The following XKR4 variants were observed in gnomAD, a reference collection of about 807,000 sequenced individuals.
XKR4 encodes the protein XK-related protein 4.
A neutral mutation model predicts 53.9 loss-of-function variants in XKR4; 12 were observed. That is an observed-to-expected ratio of 0.22 (90% CI 0.14 to 0.36). The LOEUF is 0.36. XKR4 is among the 10% of genes least tolerant of loss of function. XKR4 has a pLI of 1.00. For synonymous variants in XKR4, 354 were observed against 362.4 expected (o/e 0.98, Z 0.26); for missense variants, 799 against 859.5 (o/e 0.93, Z 0.88).
chr8:55,513,297 C>T (rs1300248904), intron 2 of XKR4, among the ~76,000 whole-genome samples: 2 of 152,162 alleles, frequency 1.3e-5, no homozygotes, highest in Non-Finnish European at 2.9e-5. Flanking sequence ...GTGATGCTTG[C>T]GGATGTTTTG....
chr8:55,482,629 A>G (rs1012632480), intron 2 of XKR4, among the ~76,000 whole-genome samples: 3 of 152,174 alleles, frequency 2.0e-5, no homozygotes, highest in East Asian at 3.9e-4. Context: ...TTCATTTACT[A>G]CCCAGTAGAC....
intron 2 of XKR4, among the ~76,000 whole-genome samples, chr8:55,401,122 C>T (rs1030430517): frequency 1.3e-5 from 2 of 152,186 alleles, no homozygotes; most frequent in African/African-American, 2.4e-5. Flanking sequence ...GACACGCAGG[C>T]GCCAGCATTT....
At chr8:55,521,988 G>A (rs1046664862) in intron 2 of XKR4, among the ~76,000 whole-genome samples, 6 of 152,214 alleles carry the variant, frequency 3.9e-5, no homozygotes, top group African/African-American at 1.2e-4. Context: ...TAAAATAGAT[G>A]AGACCATTCT....
At chr8:55,409,136 A>T (rs1050402382) in intron 2 of XKR4, among the ~76,000 whole-genome samples, 5 of 152,220 alleles carry the variant, frequency 3.3e-5, no homozygotes, top group African/African-American at 1.2e-4. Flanking sequence ...AGACAGACAC[A>T]TGGTTGCCAA....
At chr8:55,240,634 G>A (rs975517409) in intron 1 of XKR4, among the ~76,000 whole-genome samples, 16 of 152,146 alleles carry the variant, frequency 1.1e-4, no homozygotes, top group Admixed American at 2.0e-4. Context: ...CAAGGAGCAT[G>A]AGCCTATAAG....
intron 1 of XKR4, among the ~76,000 whole-genome samples, chr8:55,200,088 G>A (rs62517001): frequency 0.17 from 26,287 of 151,966 alleles, 2,858 homozygotes; most frequent in South Asian, 0.25. Flanking sequence ...TTTTTGAGAC[G>A]GAGTCTGGTT....
chr8:55,144,260 T>C (rs1393640591), intron 1 of XKR4, among the ~76,000 whole-genome samples: 1 of 152,180 alleles, frequency 6.6e-6, no homozygotes. Context: ...TTTGCAATGT[T>C]AAACATCTAG....
Position 55,539,231 on chromosome 8 carries a change from A to G in XKR4, c.*15004A>G, listed in dbSNP as rs987277258. 1 of 152,252 alleles carries G rather than the reference A, an allele frequency of 6.6e-6. No individual in the cohort carries two copies. The highest frequency in any genetic ancestry group is 2.4e-5 in the African/African-American group (1 of 41,476). 9.4% of individuals were successfully genotyped at this position (152,252 alleles called of 1,614,324 possible). On this transcript the variant is annotated 3_prime_UTR_variant, in exon 3 of 3. Coordinates refer to ENST00000327381, the MANE Select transcript of XKR4 (RefSeq NM_052898.2). ...AGGAATACATTCATAAAACTAGACT[A>G]GCAAAGCAGATAATGTTTTCATGAT...
rs189329756 is a variant in XKR4, at chr8:55,450,343, T to C, written c.1007-72938T>C. 5.4e-4 allele frequency: 376 copies of C among 690,192 alleles called. 2 individuals carry two copies. The African/African-American group carries it at 6.3e-3, about 12-fold the overall frequency. 42.8% of individuals were successfully genotyped at this position (690,192 alleles called of 1,614,324 possible). On this transcript the variant is annotated intron_variant, in intron 2 of 2. Transcript: ENST00000327381. The stretch of plus-strand genomic sequence containing the variant: ...AGCGCAGAAGTCCTACACTTTCAGG[T>C]TGGACACGTTGCTGTAGGGCCGCAG...
intron 1 of XKR4, among the ~76,000 whole-genome samples, chr8:55,111,697 A>C (rs1420272671): frequency 2.6e-5 from 4 of 152,206 alleles, no homozygotes; most frequent in African/African-American, 9.6e-5. Context: ...TATAGACTGG[A>C]GAAGCCAAAA....
chr8:55,103,272 T>C lies in XKR4; in HGVS notation c.784T>C (p.Leu262=), dbSNP rs1458528253. The C allele has an allele frequency of 6.2e-7, 1 of 1,609,112 alleles. No individual in the cohort carries two copies. The highest frequency in any genetic ancestry group is 8.5e-7 in the Non-Finnish European group (1 of 1,176,498). Reference sequence around the variant, plus strand: ...GCTCCTGCAGTCACTCATCCACATCTTGCAGCTCGGGCAAATCTGGAGGTA... The same window carrying C: ...GCTCCTGCAGTCACTCATCCACATCCTGCAGCTCGGGCAAATCTGGAGGTA... The part of the protein sequence containing the change: ...IWLLQSLIHI[L]QLGQIWRYFH... Residue 262 remains leucine, a synonymous_variant, in exon 1 of 3, where the codon TTG becomes CTG. Transcript: ENST00000327381.
At chr8:55,373,136 T>C (rs1323045410) in intron 2 of XKR4, among the ~76,000 whole-genome samples, 2 of 152,200 alleles carry the variant, frequency 1.3e-5, no homozygotes, top group Admixed American at 1.3e-4. Flanking sequence ...TCTCAGAGAC[T>C]ACAAGACTAA....
chr8:55,375,936 G>A (rs1188499676), intron 2 of XKR4, among the ~76,000 whole-genome samples: 2 of 152,040 alleles, frequency 1.3e-5, no homozygotes, highest in Admixed American at 6.6e-5. Flanking sequence ...GTGTCCACGT[G>A]TTCTCATTGT....
intron 1 of XKR4, among the ~76,000 whole-genome samples, chr8:55,227,193 A>G (rs143615579): frequency 1.3e-5 from 2 of 152,332 alleles, no homozygotes; most frequent in East Asian, 3.9e-4. Context: ...CCCTATGAGC[A>G]ACTCTGCCAT....
At chr8:55,361,882 C>T (rs1747824730) in intron 2 of XKR4, among the ~76,000 whole-genome samples, 1 of 152,136 alleles carries the variant, frequency 6.6e-6, no homozygotes, top group Non-Finnish European at 1.5e-5. Flanking sequence ...AGTTCTTACT[C>T]GTCCTGCAGA....
intron 1 of XKR4, among the ~76,000 whole-genome samples, chr8:55,291,439 A>G (rs1819018512): frequency 6.6e-6 from 1 of 152,194 alleles, no homozygotes; most frequent in African/African-American, 2.4e-5. Flanking sequence ...TTAAAACTGT[A>G]TGTCAATCTG....
intron 1 of XKR4, among the ~76,000 whole-genome samples, chr8:55,225,376 T>C (rs1420774575): frequency 2.0e-5 from 3 of 152,254 alleles, no homozygotes; most frequent in African/African-American, 7.2e-5. Context: ...ATAGATTATA[T>C]AAAGAGTTAA....
intron 2 of XKR4, among the ~76,000 whole-genome samples, chr8:55,412,454 G>C (rs528444270): frequency 1.3e-5 from 2 of 152,272 alleles, no homozygotes; most frequent in African/African-American, 4.8e-5. Flanking sequence ...CAATGGCAGA[G>C]TCAAGGCTGA....
chr8:55,372,864 C>T (rs965750850), intron 2 of XKR4, among the ~76,000 whole-genome samples: 4 of 152,128 alleles, frequency 2.6e-5, no homozygotes, highest in Non-Finnish European at 5.9e-5. Context: ...ACTGCTCATA[C>T]ACAGGAGGGT....
Sources: allele counts gnomAD v4.1 joint callset (sites outside exome capture counted in the v4.1 genomes callset), GRCh38; gene constraint gnomAD v4.1.1; transcripts MANE v1.5; gene names NCBI Gene and HGNC (gene_info 2026-07-23, HGNC 2026-07-21).